The following SGCZ variants were observed in gnomAD, a reference collection of about 807,000 sequenced individuals.
SGCZ encodes the protein zeta-sarcoglycan.
In SGCZ, 40 loss-of-function variants were observed where a neutral mutation model predicts 41.3. The observed-to-expected ratio is 0.97, with a 90% CI of 0.75 to 1.26. SGCZ has a LOEUF of 1.26. SGCZ is among the 50% of genes most tolerant of loss of function. The pLI, the probability that SGCZ is intolerant of heterozygous loss-of-function variation, is 0.00. For synonymous variants in SGCZ, 206 were observed against 137.5 expected (o/e 1.50, Z -3.49); for missense variants, 552 against 369.8 (o/e 1.49, Z -4.04).
In SGCZ at chr8:14,641,383, T is replaced by C. The variant is rs190096297; in HGVS notation, c.40-86457A>G. Among the ~76,000 whole-genome samples the C allele has an allele frequency of 2.0e-5, 3 of 151,872 alleles. No individual in the cohort carries two copies. In the Admixed American group the frequency reaches 2.0e-4, roughly 10 times the overall value. The stretch of plus-strand genomic sequence containing the variant: ...TTATGTTTTAAAGTATTTTAATAAA[T>C]GTTTGTAGAAAAAATCGTAACATTT... On this transcript the variant is annotated intron_variant, in intron 1 of 7. Coordinates refer to ENST00000382080, the MANE Select transcript of SGCZ (RefSeq NM_139167.4).
chr8:14,881,820 G>C (rs190734763), intron 1 of SGCZ, among the ~76,000 whole-genome samples: 23 of 152,230 alleles, frequency 1.5e-4, no homozygotes, highest in African/African-American at 5.5e-4. Context: ...AGTTGATCAC[G>C]CAATTGGAAG....
At position 14,340,015 on chromosome 8, in the gene SGCZ, A is replaced by G. The variant is rs553667573; in HGVS notation, c.235-15811T>C. Among the ~76,000 whole-genome samples the G allele has an allele frequency of 3.3e-5, 5 of 152,280 alleles. No homozygotes were observed. The South Asian group carries it at 1.0e-3, about 32-fold the overall frequency. Reference sequence around the variant, plus strand: ...TGAAGGAACAAATGATACAGACACTATTTCATCAGCTGACAAACAGAATGA... The same window carrying G: ...TGAAGGAACAAATGATACAGACACTGTTTCATCAGCTGACAAACAGAATGA... On this transcript the variant is annotated intron_variant, in intron 2 of 7. Transcript: ENST00000382080.
intron 1 of SGCZ, among the ~76,000 whole-genome samples, chr8:14,627,809 A>G (rs75512651): frequency 0.025 from 3,790 of 152,180 alleles, 90 homozygotes; most frequent in African/African-American, 0.065. Context: ...CATTTTAGGA[A>G]GCTGAAAAGG....
At chr8:14,525,465 T>C (rs1430988327) in intron 2 of SGCZ, among the ~76,000 whole-genome samples, 3 of 152,160 alleles carry the variant, frequency 2.0e-5, no homozygotes, top group Non-Finnish European at 4.4e-5. Flanking sequence ...GGTGACACTT[T>C]TAATATATCA....
At chr8:14,426,918 A>G (rs1267984931) in intron 2 of SGCZ, among the ~76,000 whole-genome samples, 2 of 152,152 alleles carry the variant, frequency 1.3e-5, no homozygotes, top group Admixed American at 1.3e-4. Flanking sequence ...CTCATTTCAA[A>G]ATTGTTATTA....
At chr8:14,400,716 C>T (rs1428010291) in intron 2 of SGCZ, among the ~76,000 whole-genome samples, 1 of 151,888 alleles carries the variant, frequency 6.6e-6, no homozygotes, top group Non-Finnish European at 1.5e-5. Flanking sequence ...ATTCTTGAGT[C>T]TGTGTTTTTA....
chr8:14,511,717 C>G (rs866687006), intron 2 of SGCZ, among the ~76,000 whole-genome samples: 3 of 151,954 alleles, frequency 2.0e-5, no homozygotes, highest in Admixed American at 6.6e-5. Context: ...GTTAAAAATC[C>G]TATAATTAAA....
At chr8:14,189,560 G>A (rs1046612350) in intron 4 of SGCZ, among the ~76,000 whole-genome samples, 6 of 152,080 alleles carry the variant, frequency 3.9e-5, no homozygotes, top group Non-Finnish European at 8.8e-5. Flanking sequence ...CCGGATCTTC[G>A]TGTGCTTTGC....
intron 1 of SGCZ, among the ~76,000 whole-genome samples, chr8:15,157,277 G>C (rs970056981): frequency 6.6e-6 from 1 of 151,576 alleles, no homozygotes; most frequent in African/African-American, 2.4e-5. Flanking sequence ...TCATGCCTGT[G>C]ATCCCAGCAC....
intron 1 of SGCZ, among the ~76,000 whole-genome samples, chr8:14,975,542 G>A (rs558138438): frequency 1.4e-4 from 22 of 152,132 alleles, no homozygotes; most frequent in African/African-American, 4.8e-4. Flanking sequence ...TTTTGACCCA[G>A]TGAGATTGTT....
At chr8:14,509,751 G>C (rs1293389391) in intron 2 of SGCZ, among the ~76,000 whole-genome samples, 1 of 152,114 alleles carries the variant, frequency 6.6e-6, no homozygotes, top group Admixed American at 6.6e-5. Context: ...TCGACTCACA[G>C]TTCCTCATGA....
chr8:15,033,583 C>G (rs548259600), intron 1 of SGCZ, among the ~76,000 whole-genome samples: 1 of 152,222 alleles, frequency 6.6e-6, no homozygotes, highest in Admixed American at 6.5e-5. Context: ...GACTCCAGGA[C>G]GAGTCCTATG....
intron 3 of SGCZ, among the ~76,000 whole-genome samples, chr8:14,256,625 G>C (rs566677918): frequency 6.6e-6 from 1 of 152,202 alleles, no homozygotes; most frequent in East Asian, 1.9e-4. Context: ...AAAAAACTAT[G>C]ATTTTACATT....
chr8:14,929,882 T>C (rs1471077225), intron 1 of SGCZ, among the ~76,000 whole-genome samples: 3 of 152,046 alleles, frequency 2.0e-5, no homozygotes, highest in Non-Finnish European at 4.4e-5. Context: ...ACTTGGTAAT[T>C]GTTATTTACC....
At chr8:14,476,078 T>C (rs1231447206) in intron 2 of SGCZ, among the ~76,000 whole-genome samples, 1 of 152,174 alleles carries the variant, frequency 6.6e-6, no homozygotes, top group Admixed American at 6.5e-5. Flanking sequence ...GTATTGGGAT[T>C]ACTGGTGTGC....
intron 6 of SGCZ, among the ~76,000 whole-genome samples, chr8:14,105,382 A>G (rs1755439921): frequency 6.6e-6 from 1 of 152,118 alleles, no homozygotes; most frequent in African/African-American, 2.4e-5. Flanking sequence ...CTTCACAATA[A>G]CAAAACCAAA....
chr8:14,747,692 T>TTAC (rs3069638), intron 1 of SGCZ, among the ~76,000 whole-genome samples: 53 of 128,068 alleles, frequency 4.1e-4, no homozygotes, highest in Admixed American at 3.8e-3. Flanking sequence ...ATTATTATTA[T>TTAC]GTGTGTGTGT....
chr8:15,102,771 T>G (rs1806664707), intron 1 of SGCZ, among the ~76,000 whole-genome samples: 1 of 152,170 alleles, frequency 6.6e-6, no homozygotes, highest in Non-Finnish European at 1.5e-5. Flanking sequence ...AAACTTTCAT[T>G]AAAGTGAACA....
Position 14,088,576 on chromosome 8 carries a change from G to A in SGCZ, c.*1867C>T, listed in dbSNP as rs779658249. Among the ~76,000 whole-genome samples the A allele has an allele frequency of 1.3e-5, 2 of 151,400 alleles. No homozygotes were observed. Among genetic ancestry groups the A allele is most frequent in the African/African-American group, 2.4e-5 (1 of 41,320 alleles). ...TTATTTTAATATAAATTAAACTCTT[G>A]TGTTATAACTTTGTAAGCAATCGTA... On this transcript the variant is annotated 3_prime_UTR_variant, in exon 8 of 8. Coordinates refer to ENST00000382080, the MANE Select transcript of SGCZ (RefSeq NM_139167.4).
Sources: allele counts gnomAD v4.1 joint callset (sites outside exome capture counted in the v4.1 genomes callset), GRCh38; gene constraint gnomAD v4.1.1; transcripts MANE v1.5; gene names NCBI Gene and HGNC (gene_info 2026-07-23, HGNC 2026-07-21).